The following KSR1 variants were observed in gnomAD, a reference collection of about 807,000 sequenced individuals.
The protein encoded by KSR1 is kinase suppressor of ras 1, also known as kinase suppressor of ras.
A neutral mutation model predicts 92.9 loss-of-function variants in KSR1; 35 were observed. That is an observed-to-expected ratio of 0.38 (90% CI 0.29 to 0.50). The LOEUF (loss-of-function observed/expected upper bound fraction) is 0.50, where lower values mean the gene tolerates loss of function less well. Among genes scored for constraint, KSR1 ranks in the 20% least tolerant of loss-of-function variants. The pLI, the probability that KSR1 is intolerant of heterozygous loss-of-function variation, is 0.94. For synonymous variants in KSR1, 467 were observed against 472.6 expected (o/e 0.99, Z 0.15); for missense variants, 972 against 1,158.5 (o/e 0.84, Z 2.34).
At chr17:27,579,878 CAAAAAAAAAAAAA>C (rs71160198) in intron 3 of KSR1, 27 of 29,618 alleles carry the variant, frequency 9.1e-4, no homozygotes, top group South Asian at 5.9e-3. Context: ...GCTGTCTCAC[CAAAAAAAAAAAAA>C]AAAAAAAAAA....
At chr17:27,603,743 CCT>C (rs2073648562) in intron 11 of KSR1, 89 bp from the exon 12 acceptor site, 1 of 1,295,276 alleles carries the variant, frequency 7.7e-7, no homozygotes, top group Admixed American at 1.8e-5. Context: ...GGAAAATCAG[CCT>C]CTCTGGGGGT....
At chr17:27,609,862 A>G in intron 16 of KSR1, 1 of 542,266 alleles carries the variant, frequency 1.8e-6, no homozygotes. Flanking sequence ...CTGCTTTTCT[A>G]GAAACAACCG....
chr17:27,534,888 C>T (rs2151051814), intron 1 of KSR1, among the ~76,000 whole-genome samples: 1 of 152,272 alleles, frequency 6.6e-6, no homozygotes, highest in East Asian at 1.9e-4. Context: ...CCCTACATCC[C>T]ATATCTCCTT....
At chr17:27,513,871 C>T (rs965056623) in intron 1 of KSR1, among the ~76,000 whole-genome samples, 4 of 152,148 alleles carry the variant, frequency 2.6e-5, no homozygotes, top group Non-Finnish European at 2.9e-5. Context: ...TGGACCTGAA[C>T]GCTCAACCCC....
At chr17:27,519,021 C>T (rs1416192257) in intron 1 of KSR1, among the ~76,000 whole-genome samples, 2 of 152,126 alleles carry the variant, frequency 1.3e-5, no homozygotes, top group Admixed American at 6.5e-5. Context: ...GGCAGGGCTG[C>T]GCTTGCTGCA....
intron 1 of KSR1, among the ~76,000 whole-genome samples, chr17:27,498,818 C>T (rs1005620755): frequency 3.3e-5 from 5 of 152,148 alleles, no homozygotes; most frequent in African/African-American, 9.7e-5. Context: ...GTTGTGTGGG[C>T]AGGTGGAGAC....
chr17:27,476,618 CATGGTTGACTCAGAAGGACTGAA>C (rs1376568730), intron 1 of KSR1, among the ~76,000 whole-genome samples: 1 of 152,192 alleles, frequency 6.6e-6, no homozygotes, highest in Non-Finnish European at 1.5e-5. Context: ...CTGGGAAGCC[CATGGTTGACTCAGAAGGACTGAA>C]ATGTTAGACA....
chr17:27,586,149 C>T (rs988484267), intron 5 of KSR1, among the ~76,000 whole-genome samples: 2 of 152,172 alleles, frequency 1.3e-5, no homozygotes, highest in Non-Finnish European at 2.9e-5. Flanking sequence ...GAATGAGGCC[C>T]CAAAAGATGG....
At chr17:27,570,569 G>A (rs1036840608) in intron 2 of KSR1, among the ~76,000 whole-genome samples, 13 of 152,168 alleles carry the variant, frequency 8.5e-5, no homozygotes, top group Admixed American at 8.5e-4. Flanking sequence ...GTGAGAAGAA[G>A]CCAATCCTGA....
chr17:27,576,216 A>G (rs2072499705), intron 2 of KSR1, among the ~76,000 whole-genome samples: 1 of 152,040 alleles, frequency 6.6e-6, no homozygotes, highest in African/African-American at 2.4e-5. Flanking sequence ...TACTTGGATA[A>G]TTTCCCTTTT....
intron 1 of KSR1, chr17:27,465,578 A>G (rs1216770639): frequency 2.0e-5 from 3 of 152,318 alleles, no homozygotes; most frequent in South Asian, 4.1e-4. Context: ...TTTTTAAAAA[A>G]GGGGGGAAAG....
chr17:27,615,559 A>G (rs1321804973), intron 18 of KSR1, among the ~76,000 whole-genome samples: 4 of 152,048 alleles, frequency 2.6e-5, no homozygotes, highest in Non-Finnish European at 5.9e-5. Flanking sequence ...CATATTCCTG[A>G]GGTCTTTCAG....
At chr17:27,527,384 C>G (rs538253305) in intron 1 of KSR1, among the ~76,000 whole-genome samples, 1,029 of 69,094 alleles carry the variant, frequency 0.015, 17 homozygotes, top group African/African-American at 0.059. Flanking sequence ...ACTGCAGTGG[C>G]ACACCCGCCC....
intron 6 of KSR1, among the ~76,000 whole-genome samples, chr17:27,588,774 A>G (rs1231967445): frequency 6.6e-6 from 1 of 152,158 alleles, no homozygotes; most frequent in Non-Finnish European, 1.5e-5. Flanking sequence ...GCTTAGGGAA[A>G]ACACTTTCCT....
At chr17:27,536,715 G>A (rs2070764435) in intron 1 of KSR1, among the ~76,000 whole-genome samples, 1 of 152,184 alleles carries the variant, frequency 6.6e-6, no homozygotes, top group Admixed American at 6.5e-5. Flanking sequence ...AAGTGGCACC[G>A]GCCATTGATC....
chr17:27,560,503 C>T (rs146695854), intron 2 of KSR1: 74 of 518,704 alleles, frequency 1.4e-4, no homozygotes, highest in African/African-American at 1.3e-3. Flanking sequence ...TTTCTCTTTC[C>T]GCTCTCCTCT....
intron 2 of KSR1, among the ~76,000 whole-genome samples, chr17:27,570,688 T>C (rs1024868780): frequency 3.9e-5 from 6 of 152,110 alleles, no homozygotes; most frequent in Non-Finnish European, 5.9e-5. Context: ...AGCTGTGAGT[T>C]TGGGCTGGGC....
intron 19 of KSR1, 162 bp from the exon 20 acceptor site, chr17:27,621,031 C>T (rs1234859942): frequency 1.0e-5 from 4 of 395,506 alleles, no homozygotes; most frequent in Non-Finnish European, 1.8e-5. Context: ...TTGATCTTGT[C>T]ACTTTTTTAT....
At chr17:27,513,768 C>T (rs76041697) in intron 1 of KSR1, among the ~76,000 whole-genome samples, 5 of 152,178 alleles carry the variant, frequency 3.3e-5, no homozygotes, top group Non-Finnish European at 5.9e-5. Context: ...AGGCAGAATA[C>T]GGGAGTTGCA....
Sources: gnomAD v4.1 joint callset for allele counts (sites outside exome capture counted in the v4.1 genomes callset) on GRCh38, gnomAD v4.1.1 for gene constraint, MANE v1.5 for transcripts, NCBI Gene and HGNC (gene_info 2026-07-23, HGNC 2026-07-21) for gene names.